The following ABCC1 variants were observed in gnomAD, a reference collection of about 807,000 sequenced individuals.
The protein encoded by ABCC1 is multidrug resistance-associated protein 1.
Under a neutral mutation model 172.9 loss-of-function variants are expected in ABCC1, and 83 were observed. That is an observed-to-expected ratio of 0.48 (90% confidence interval 0.40 to 0.58). ABCC1 has a LOEUF of 0.58. Among genes scored for constraint, ABCC1 ranks in the 20% least tolerant of loss-of-function variants. The pLI is 0.00. For missense variants in ABCC1, 1,817 were observed against 2,002.7 expected, an observed-to-expected ratio of 0.91 and a Z score of 1.77; for synonymous variants, 937 against 825.2, an observed-to-expected ratio of 1.14 and a Z score of -2.32.
chr16:16,132,510 G>GTTTTTTTTTTT (rs71137915), intron 27 of ABCC1, among the ~76,000 whole-genome samples: 419 of 37,210 alleles, frequency 0.011, 36 homozygotes, highest in South Asian at 0.016. Flanking sequence ...TTGGTTGGTT[G>GTTTTTTTTTTT]TTTTTTTTTT....
At chr16:16,116,637 A>G (rs2044884999) in intron 23 of ABCC1, among the ~76,000 whole-genome samples, 1 of 151,838 alleles carries the variant, frequency 6.6e-6, no homozygotes, top group South Asian at 2.1e-4. Flanking sequence ...ATCTCGGCTC[A>G]CTGCAACATC....
intron 5 of ABCC1, among the ~76,000 whole-genome samples, chr16:16,032,744 T>C (rs184162372): frequency 7.3e-4 from 111 of 152,306 alleles, no homozygotes; most frequent in African/African-American, 2.3e-3. Context: ...TAGTACCTTG[T>C]AGAATGCCTA....
intron 25 of ABCC1, among the ~76,000 whole-genome samples, chr16:16,125,351 G>A (rs140055177): frequency 3.5e-4 from 54 of 152,310 alleles, no homozygotes; most frequent in Middle Eastern, 3.4e-3. Context: ...GCAGGCCTGG[G>A]TGATGGCTAT....
At chr16:16,121,774 T>C (rs2045168666) in intron 23 of ABCC1, among the ~76,000 whole-genome samples, 3 of 152,198 alleles carry the variant, frequency 2.0e-5, no homozygotes, top group Admixed American at 2.0e-4. Context: ...CGTGAGCTAT[T>C]ATTGTCACTG....
intron 13 of ABCC1, among the ~76,000 whole-genome samples, chr16:16,069,152 T>TAAAAAAAAAAAAAA (rs1567368876): frequency 7.1e-6 from 1 of 141,740 alleles, no homozygotes; most frequent in African/African-American, 2.7e-5. Context: ...TAAAAAAAAA[T>TAAAAAAAAAAAAAA]AAAATAAAAT....
At chr16:16,109,171 G>A (rs1234426247) in intron 21 of ABCC1, among the ~76,000 whole-genome samples, 10 of 152,036 alleles carry the variant, frequency 6.6e-5, no homozygotes, top group Admixed American at 5.9e-4. Flanking sequence ...AGGGTCAGAT[G>A]ATTTTTGTTT....
chr16:16,106,816 G>A lies in ABCC1; in HGVS notation c.2814G>A (p.Glu938=). The A allele has an allele frequency of 1.2e-6, 2 of 1,614,142 alleles. No homozygotes were observed. The highest frequency in any genetic ancestry group is 1.7e-6 in the Non-Finnish European group (2 of 1,180,036). ...HNSTAELQKA[E]AKKEETWKLM... ...GCACCGCAGAACTGCAGAAAGCTGA[G>A]GCCAAGAAGGAGGAGACCTGGAAGC... Residue 938 remains glutamate, a synonymous_variant, in exon 21 of 31, where the codon GAG becomes GAA. Transcript: ENST00000399410.
At chr16:16,107,163 C>T (rs914004380) in intron 21 of ABCC1, among the ~76,000 whole-genome samples, 9 of 152,152 alleles carry the variant, frequency 5.9e-5, no homozygotes, top group South Asian at 2.1e-4. Context: ...GGGTCTCATT[C>T]GCTAGAGGTG....
rs569754404 is a variant in ABCC1, at chr16:16,100,641, G to A, written c.2645-1986G>A. Among the ~76,000 whole-genome samples the A allele has an allele frequency of 5.3e-5, 8 of 152,346 alleles. No individual in the cohort carries two copies. The East Asian group carries it at 1.5e-3, about 29-fold the overall frequency. ...GACATTAAAGGGAATGTTTAAAGCA[G>A]AGTTTCTCAGTTCCTGGCTGTGCCT... On this transcript the variant is annotated intron_variant, in intron 19 of 30. Coordinates refer to ENST00000399410, the MANE Select transcript of ABCC1 (RefSeq NM_004996.4).
At chr16:16,067,183 G>A (rs1488245906) in intron 12 of ABCC1, among the ~76,000 whole-genome samples, 1 of 152,146 alleles carries the variant, frequency 6.6e-6, no homozygotes, top group African/African-American at 2.4e-5. Context: ...CCGGGAGGTC[G>A]AGGCTGTGGT....
At chr16:16,088,087 A>G (rs542925417) in intron 18 of ABCC1, among the ~76,000 whole-genome samples, 3 of 152,124 alleles carry the variant, frequency 2.0e-5, no homozygotes, top group Non-Finnish European at 4.4e-5. Context: ...GAAAAGTACA[A>G]GAATATGGAT....
At chr16:16,004,799 C>T (rs1028934836) in intron 1 of ABCC1, among the ~76,000 whole-genome samples, 5 of 151,518 alleles carry the variant, frequency 3.3e-5, no homozygotes, top group Admixed American at 1.3e-4. Context: ...GGATTACAGA[C>T]GTGCACTACC....
At chr16:16,124,407 GTGTAT>G (rs2045341470) in intron 24 of ABCC1, among the ~76,000 whole-genome samples, 3 of 149,706 alleles carry the variant, frequency 2.0e-5, no homozygotes, top group Admixed American at 6.6e-5. Flanking sequence ...GTGTGTGTGT[GTGTAT>G]GTGTGTGTGT....
intron 1 of ABCC1, among the ~76,000 whole-genome samples, chr16:15,956,513 T>A (rs1050755611): frequency 6.6e-6 from 1 of 152,028 alleles, no homozygotes; most frequent in Non-Finnish European, 1.5e-5. Flanking sequence ...TTGGTTGTTT[T>A]TTGATAGAGA....
chr16:16,110,562 G>T (rs2052341807), intron 21 of ABCC1, among the ~76,000 whole-genome samples: 1 of 151,648 alleles, frequency 6.6e-6, no homozygotes, highest in Non-Finnish European at 1.5e-5. Flanking sequence ...GCTAATTTTT[G>T]TATTTTAGTA....
chr16:16,126,721 A>G (rs542442708), intron 26 of ABCC1, among the ~76,000 whole-genome samples: 2 of 152,194 alleles, frequency 1.3e-5, no homozygotes, highest in South Asian at 2.1e-4. Flanking sequence ...TGTTACGGAA[A>G]ATAATACTAC....
At chr16:16,098,422 C>G (rs1235879866) in intron 19 of ABCC1, 1 of 229,876 alleles carries the variant, frequency 4.4e-6, no homozygotes, top group Non-Finnish European at 8.8e-6. Flanking sequence ...AGTTTGAGAC[C>G]AGCCTGGCCA....
intron 12 of ABCC1, 49 bp from the exon 13 acceptor site, chr16:16,068,107 T>C (rs369752077): frequency 1.2e-4 from 193 of 1,609,580 alleles, no homozygotes; most frequent in South Asian, 1.2e-3. Flanking sequence ...CCTAGGATGA[T>C]GACTCTCACT....
intron 26 of ABCC1, among the ~76,000 whole-genome samples, chr16:16,130,630 A>G (rs2045637429): frequency 6.6e-6 from 1 of 152,214 alleles, no homozygotes; most frequent in Non-Finnish European, 1.5e-5. Flanking sequence ...GATATGGATA[A>G]GATATACCTC....
Sources: allele counts gnomAD v4.1 joint callset (sites outside exome capture counted in the v4.1 genomes callset), GRCh38; gene constraint gnomAD v4.1.1; transcripts MANE v1.5; gene names NCBI Gene and HGNC (gene_info 2026-07-23, HGNC 2026-07-21).